TRIM13: variants seen among roughly 807,000 people sequenced by gnomAD.
TRIM13 encodes the protein E3 ubiquitin-protein ligase TRIM13.
A neutral mutation model predicts 27.1 loss-of-function variants in TRIM13; 15 were observed. The ratio of observed to expected loss-of-function variants is 0.55; its 90% CI spans 0.37 to 0.85. The LOEUF is 0.85. TRIM13 is among the 40% of genes least tolerant of loss of function. TRIM13 has a pLI of 0.00. For missense variants in TRIM13, 402 were observed against 472.2 expected, an observed-to-expected ratio of 0.85 and a Z score of 1.38; for synonymous variants, 193 against 171.5, an observed-to-expected ratio of 1.13 and a Z score of -0.98.
rs1209968676 is a variant in TRIM13 at position 50,014,358 on chromosome 13, T to TACACAC, written c.*1195_*1196insCACACA. The TACACAC allele has an allele frequency of 3.0e-5, 2 of 65,742 alleles. No homozygotes were observed. Among genetic ancestry groups the TACACAC allele is most frequent in the Non-Finnish European group, 6.1e-5 (2 of 32,772 alleles). 4.1% of individuals were successfully genotyped at this position (65,742 alleles called of 1,614,324 possible). On this transcript the variant is annotated 3_prime_UTR_variant, in exon 2 of 2. Coordinates refer to ENST00000378182, the MANE Select transcript of TRIM13 (RefSeq NM_213590.3). The stretch of plus-strand genomic sequence containing the variant: ...AAAAAAAAAAAAATATATATATATA[T>TACACAC]ATACACACACACACACACATATGTA...
Position 49,997,684 on chromosome 13 carries a change from G to C in TRIM13, c.-86G>C, listed in dbSNP as rs1302983265. On this transcript the variant is annotated 5_prime_UTR_variant, in exon 1 of 2. Coordinates refer to ENST00000378182, the MANE Select transcript of TRIM13 (RefSeq NM_213590.3). ...CTTTGCAGTAGCCTCTAGTTCGTTA[G>C]TCAAAACGTGAAAAAAAAGACCTGC... 3 of 152,136 alleles carry C rather than the reference G, an allele frequency of 2.0e-5. No homozygotes were observed. Among genetic ancestry groups the C allele is most frequent in the Non-Finnish European group, 2.9e-5 (2 of 68,034 alleles). The allele number at this position is 152,136 out of a possible 1,614,324, so 9.4% of individuals were successfully genotyped here. A position where few individuals can be genotyped will look rare whatever the true frequency, so the allele number is the denominator to read the frequency against.
At position 49,998,927 on chromosome 13, in the gene TRIM13, CA is replaced by C. The variant is rs564684054; in HGVS notation, c.-7+1179del. 4.8e-3 allele frequency among the ~76,000 whole-genome samples: 518 copies of C among 109,004 alleles called. 1 individual carries two copies. The highest frequency in any genetic ancestry group is 7.7e-3 in the African/African-American group (240 of 31,114). The allele number at this position is 109,004 out of a possible 152,430, so 71.5% of individuals were successfully genotyped here. On this transcript the variant is annotated intron_variant, in intron 1 of 1. Coordinates refer to ENST00000378182, the MANE Select transcript of TRIM13 (RefSeq NM_213590.3). ...ACTGGGCAACAGAGCGAGACTCTAC[CA>C]AAAAAAAAAAAAAAGCCCCCAAACC...
Position 50,012,499 on chromosome 13 carries a change from G to T in TRIM13, c.559G>T (p.Glu187Ter). ...TTCAGATAAAGTGAAGGAATTTTTTGAGAAGTTACAACACACACTGGATCA... is the reference window on the plus strand; with the variant it reads ...TTCAGATAAAGTGAAGGAATTTTTTTAGAAGTTACAACACACACTGGATCA... Reference protein sequence around the residue: ...KDSDKVKEFFEKLQHTLDQKK... With the variant: ...KDSDKVKEFF The change falls in exon 2 of 2, where the codon GAG becomes TAG. Residue 187 changes from glutamate to a stop codon, truncating the protein, a stop_gained. Coordinates refer to ENST00000378182, the MANE Select transcript of TRIM13 (RefSeq NM_213590.3). LOFTEE classifies it high-confidence loss of function. The T allele has an allele frequency of 6.2e-7, 1 of 1,613,850 alleles. No individual in the cohort carries two copies. The highest frequency in any genetic ancestry group is 1.1e-5 in the South Asian group (1 of 91,000).
intron 1 of TRIM13, among the ~76,000 whole-genome samples, chr13:50,004,357 A>C (rs925732841): frequency 6.6e-5 from 10 of 152,108 alleles, no homozygotes; most frequent in Admixed American, 4.6e-4. Flanking sequence ...ACAGCTACTC[A>C]TGAGGCTGAG....
At position 50,012,717 on chromosome 13, in the gene TRIM13, C is replaced by A; in HGVS notation, c.777C>A (p.Ile259=). ...AGATGCAGGAGTTTAGAGAGAAAATCAAAGTAATCAAGGAAACTCCTTTAC... is the reference window on the plus strand; with the variant it reads ...AGATGCAGGAGTTTAGAGAGAAAATAAAAGTAATCAAGGAAACTCCTTTAC... ...LQQMQEFREK[I]KVIKETPLPP... Residue 259 remains isoleucine (I), a synonymous_variant, in exon 2 of 2, where the codon ATC becomes ATA. Coordinates refer to ENST00000378182, the MANE Select transcript of TRIM13 (RefSeq NM_213590.3). 1 of 1,614,020 alleles carries A rather than the reference C, an allele frequency of 6.2e-7. No homozygotes were observed. Among genetic ancestry groups the A allele is most frequent in the South Asian group, 1.1e-5 (1 of 91,064 alleles).
rs566406670 is a variant in TRIM13, at chr13:49,998,741, C to A, written c.-7+978C>A. ...GTCAGGAGTTCAAGACCAGCCTGAC[C>A]AATATGGTGAAATCCCATCTTTACT... is the stretch of plus-strand genomic sequence containing the variant. On this transcript the variant is annotated intron_variant, in intron 1 of 1. Coordinates refer to ENST00000378182, the MANE Select transcript of TRIM13 (RefSeq NM_213590.3). Among the ~76,000 whole-genome samples the A allele has an allele frequency of 7.3e-4, 111 of 151,660 alleles. 1 individual carries two copies. The highest frequency in any genetic ancestry group is 2.5e-3 in the African/African-American group (105 of 41,324).
At position 49,997,417 on chromosome 13, in the gene TRIM13, C is replaced by A. The variant is rs377204839; in HGVS notation, c.-353C>A. On this transcript the variant is annotated 5_prime_UTR_variant, in exon 1 of 2. Transcript: ENST00000378182. ...GGCCCCGCTACCAGCGTCTCCACAT[C>A]CCCTAGAAAAGAAAAGACGGGTGTG... 5.3e-5 allele frequency: 8 copies of A among 152,280 alleles called. No individual in the cohort carries two copies. Among genetic ancestry groups the A allele is most frequent in the East Asian group, 3.9e-4 (2 of 5,164 alleles). The allele number at this position is 152,280 out of a possible 1,614,324, so 9.4% of individuals were successfully genotyped here.
In TRIM13 at chr13:50,017,921, C is replaced by CA. The variant is rs1876810133; in HGVS notation, c.*4759dup. The CA allele has an allele frequency of 6.0e-6, 1 of 166,994 alleles. No homozygotes were observed. Among genetic ancestry groups the CA allele is most frequent in the African/African-American group, 2.4e-5 (1 of 41,432 alleles). The allele number at this position is 166,994 out of a possible 1,614,324, so 10.3% of individuals were successfully genotyped here. ...ATTCACTTTATTCAGTTTGTTCTAT[C>CA]AATATGATTTACCCCTCAAGGTTAA... On this transcript the variant is annotated 3_prime_UTR_variant, in exon 2 of 2. Coordinates refer to ENST00000378182, the MANE Select transcript of TRIM13 (RefSeq NM_213590.3).
rs752385401 is a variant in TRIM13 at position 50,012,747 on chromosome 13, C to T, written c.807C>T (p.Pro269=). The T allele has an allele frequency of 2.5e-5, 41 of 1,613,902 alleles. No homozygotes were observed. Among genetic ancestry groups the T allele is most frequent in the Non-Finnish European group, 3.1e-5 (37 of 1,180,010 alleles). ...TAATCAAGGAAACTCCTTTACCTCC[C>T]TCTAATTTGCCTGCAAGCCCTTTAA... ...IKVIKETPLP[P]SNLPASPLMK... The change falls in exon 2 of 2, where the codon CCC becomes CCT. Residue 269 remains proline (P), a synonymous_variant. Coordinates refer to ENST00000378182, the MANE Select transcript of TRIM13 (RefSeq NM_213590.3).
Position 50,012,726 on chromosome 13 carries a change from C to G in TRIM13, c.786C>G (p.Ile262Met), listed in dbSNP as rs747854705. Residue 262 changes from isoleucine (I) to methionine (M), a missense_variant, in exon 2 of 2, where the codon ATC (isoleucine) becomes ATG (methionine). This residue lies in a region of TRIM13 where 200 missense variants were observed against 194.7 expected (regional missense o/e 1.03). Transcript: ENST00000378182. The stretch of plus-strand genomic sequence containing the variant: ...AGTTTAGAGAGAAAATCAAAGTAAT[C>G]AAGGAAACTCCTTTACCTCCCTCTA... Reference protein sequence around the residue: ...MQEFREKIKVIKETPLPPSNL... With the variant: ...MQEFREKIKVMKETPLPPSNL... 6.2e-7 allele frequency: 1 copy of G among 1,614,040 alleles called. No homozygotes were observed. Among genetic ancestry groups the G allele is most frequent in the Non-Finnish European group, 8.5e-7 (1 of 1,180,010 alleles).
chr13:50,009,020 C>CAAAAAAAAAAA, intron 1 of TRIM13, among the ~76,000 whole-genome samples: 1 of 68,036 alleles, frequency 1.5e-5, no homozygotes, highest in Non-Finnish European at 2.9e-5. Flanking sequence ...AAAGCTGTCT[C>CAAAAAAAAAAA]AAAAAAAAAA....
chr13:50,015,938 G>A lies in TRIM13; in HGVS notation c.*2774G>A. 6.2e-7 allele frequency: 1 copy of A among 1,614,102 alleles called. No homozygotes were observed. The highest frequency in any genetic ancestry group is 8.5e-7 in the Non-Finnish European group (1 of 1,179,966). On this transcript the variant is annotated 3_prime_UTR_variant, in exon 2 of 2. Coordinates refer to ENST00000378182, the MANE Select transcript of TRIM13 (RefSeq NM_213590.3). ...TACAGTGTTTACAGAACAACCTTCA[G>A]CGCCGACCTGGAATGGTAACTTTTT...
At position 50,018,107 on chromosome 13, in the gene TRIM13, A is replaced by G. The variant is rs1876842351; in HGVS notation, c.*4943A>G. On this transcript the variant is annotated 3_prime_UTR_variant, in exon 2 of 2. Transcript: ENST00000378182. ...CTCCTTTTTGAACTGGCTCAAATGG[A>G]AAAGTGTAGTTGCTTTTAAATGTTA... 6.0e-6 allele frequency: 1 copy of G among 167,070 alleles called. No individual in the cohort carries two copies. Among genetic ancestry groups the G allele is most frequent in the African/African-American group, 2.4e-5 (1 of 41,460 alleles). The allele number at this position is 167,070 out of a possible 1,614,324, so 10.3% of individuals were successfully genotyped here.
Position 50,012,662 on chromosome 13 carries a change from A to G in TRIM13, c.722A>G (p.Asp241Gly). The G allele has an allele frequency of 6.2e-7, 1 of 1,614,134 alleles. No homozygotes were observed. Among genetic ancestry groups the G allele is most frequent in the Non-Finnish European group, 8.5e-7 (1 of 1,180,004 alleles). The change falls in exon 2 of 2, where the codon GAT becomes GGT. Residue 241 changes from aspartate (D) to glycine (G), a missense_variant. Physicochemically the swap from Asp to Gly is moderately conservative, Grantham distance 94. Coordinates refer to ENST00000378182, the MANE Select transcript of TRIM13 (RefSeq NM_213590.3). The stretch of plus-strand genomic sequence containing the variant: ...TTTAACATTGCTGAGGCTTTCAAAG[A>G]TGTGTCAGAACCCATTGTATTTCTG... ...MAFNIAEAFKDVSEPIVFLQQ... is the reference protein window; with the variant it reads ...MAFNIAEAFKGVSEPIVFLQQ...
intron 1 of TRIM13, among the ~76,000 whole-genome samples, chr13:49,998,307 C>T (rs922275136): frequency 7.8e-4 from 119 of 152,262 alleles, no homozygotes; most frequent in African/African-American, 2.8e-3. Flanking sequence ...TAAAACCGGG[C>T]TGTTCTGTTC....
At position 50,012,814 on chromosome 13, in the gene TRIM13, G is replaced by A. The variant is rs772835894; in HGVS notation, c.874G>A (p.Val292Ile). The A allele has an allele frequency of 1.2e-6, 2 of 1,614,116 alleles. No homozygotes were observed. Among genetic ancestry groups the A allele is most frequent in the Admixed American group, 1.7e-5 (1 of 60,022 alleles). The part of the protein sequence containing the change: ...DTSQWEDIKL[V>I]DVDKLSLPQD... ...CAGTCAGTGGGAAGACATAAAACTA[G>A]TCGATGTGGATAAACTTTCTTTGCC... The change falls in exon 2 of 2, where the codon GTC becomes ATC. Residue 292 changes from valine (V) to isoleucine (I), a missense_variant. Around this residue, in one of 2 missense-constraint regions of TRIM13, gnomAD observed 200 missense variants for 194.7 expected, o/e 1.03. Transcript: ENST00000378182.
At chr13:50,008,237 C>A (rs565824012) in intron 1 of TRIM13, among the ~76,000 whole-genome samples, 1 of 151,938 alleles carries the variant, frequency 6.6e-6, no homozygotes, top group African/African-American at 2.4e-5. Context: ...GATGGCCTAC[C>A]GATTAAGTCA....
chr13:50,015,123 A>AG lies in TRIM13; in HGVS notation c.*1959_*1960insG. On this transcript the variant is annotated 3_prime_UTR_variant, in exon 2 of 2. Coordinates refer to ENST00000378182, the MANE Select transcript of TRIM13 (RefSeq NM_213590.3). ...TATATATATATATATATATATATAT[A>AG]TATATATATATATATATATATATAT... 1 of 94,592 alleles carries AG rather than the reference A, an allele frequency of 1.1e-5. No homozygotes were observed. Among genetic ancestry groups the AG allele is most frequent in the Non-Finnish European group, 2.1e-5 (1 of 46,862 alleles). The allele number at this position is 94,592 out of a possible 1,614,324, so 5.9% of individuals were successfully genotyped here. A position where few individuals can be genotyped will look rare whatever the true frequency, so the allele number is the denominator to read the frequency against.
chr13:49,999,300 C>A (rs1290157680), intron 1 of TRIM13, among the ~76,000 whole-genome samples: 1 of 152,124 alleles, frequency 6.6e-6, no homozygotes, highest in Non-Finnish European at 1.5e-5. Flanking sequence ...CCCCTGGGCC[C>A]TATGTAAATC....
Sources: gnomAD v4.1 joint callset for allele counts (sites outside exome capture counted in the v4.1 genomes callset) on GRCh38, gnomAD v4.1.1 for gene constraint, gnomAD v4.1.1 regional missense constraint, MANE v1.5 for transcripts, NCBI Gene and HGNC (gene_info 2026-07-23, HGNC 2026-07-21) for gene names.